Variants in SMAP2 observed in about 807,000 individuals in gnomAD.
SMAP2 encodes stromal membrane-associated protein 2.
Under a neutral mutation model 56.4 loss-of-function variants are expected in SMAP2, and 25 were observed. The observed-to-expected ratio is 0.44, with a 90% CI of 0.32 to 0.62. The LOEUF is 0.62. Ranked by LOEUF, SMAP2 falls within the 20% of genes least tolerant of loss-of-function variation. The pLI is 0.04. For missense variants in SMAP2, 388 were observed against 545.6 expected, an observed-to-expected ratio of 0.71 and a Z score of 2.88; for synonymous variants, 157 against 181.7, an observed-to-expected ratio of 0.86 and a Z score of 1.09.
At chr1:40,388,778 G>T (rs1332646235) in intron 1 of SMAP2, among the ~76,000 whole-genome samples, 1 of 152,164 alleles carries the variant, frequency 6.6e-6, no homozygotes, top group East Asian at 1.9e-4. Flanking sequence ...TGGAAACTTT[G>T]TTCTTTTGCT....
At chr1:40,413,176 T>G in intron 5 of SMAP2, 74 bp downstream of exon 5, 1 of 1,139,686 alleles carries the variant, frequency 8.8e-7, no homozygotes, top group Non-Finnish European at 1.3e-6. Context: ...AAGTAGGAGG[T>G]CTCGTGGTGA....
chr1:40,399,595 G>A (rs1301317254), intron 1 of SMAP2, among the ~76,000 whole-genome samples: 1 of 149,448 alleles, frequency 6.7e-6, no homozygotes, highest in Non-Finnish European at 1.5e-5. Flanking sequence ...CCAGCTACTT[G>A]GGAGACTGAG....
intron 6 of SMAP2, 44 bp from the exon 7 acceptor site, chr1:40,415,228 C>G (rs780164371): frequency 1.4e-6 from 2 of 1,429,384 alleles, no homozygotes; most frequent in South Asian, 2.3e-5. Context: ...AAGGCATGGG[C>G]TTAATAAGCA....
chr1:40,371,003 C>T (rs2124191646), upstream of SMAP2, among the ~76,000 whole-genome samples: 1 of 152,012 alleles, frequency 6.6e-6, no homozygotes, highest in Non-Finnish European at 1.5e-5. Context: ...TGAAACCCTG[C>T]CTCTATTAAA....
At position 40,386,750 on chromosome 1, in the gene SMAP2, AAAC is replaced by A. The variant is rs56798841; in HGVS notation, c.103+12537_103+12539del. On this transcript the variant is annotated intron_variant, in intron 1 of 9. Transcript: ENST00000372718. This position sits in a 1 kb window ranked among gnomAD's most constrained non-coding sequence, Gnocchi z 4.1. The stretch of plus-strand genomic sequence containing the variant: ...CATCAGTAAATGCTGGTTTTTTTTA[AAAC>A]AACAACAACTTTATCTTTTATGATT... 0.53 allele frequency among the ~76,000 whole-genome samples: 80,511 copies of A among 151,416 alleles called. 22,395 individuals are homozygous for A. Among genetic ancestry groups the A allele is most frequent in the African/African-American group, 0.68 (28,024 of 41,134 alleles).
chr1:40,397,947 C>T (rs1009126393), intron 1 of SMAP2, among the ~76,000 whole-genome samples: 1 of 152,112 alleles, frequency 6.6e-6, no homozygotes, highest in Non-Finnish European at 1.5e-5. Flanking sequence ...ATGACTTCCT[C>T]AGCATGTGTA....
chr1:40,420,898 A>G (rs748027159), intron 9 of SMAP2, among the ~76,000 whole-genome samples: 1 of 152,244 alleles, frequency 6.6e-6, no homozygotes, highest in Non-Finnish European at 1.5e-5. Context: ...CAGAGATCTG[A>G]AAATGAAATG....
chr1:40,387,252 G>A (rs1644666333), intron 1 of SMAP2, among the ~76,000 whole-genome samples: 1 of 152,082 alleles, frequency 6.6e-6, no homozygotes, highest in Non-Finnish European at 1.5e-5. Flanking sequence ...CTTATTTCAT[G>A]ACATTAAAAA....
chr1:40,352,139 G>A (rs1305721759), intron 1 of SMAP2, among the ~76,000 whole-genome samples: 2 of 152,110 alleles, frequency 1.3e-5, no homozygotes, highest in African/African-American at 4.8e-5. Flanking sequence ...AATTTCAGGG[G>A]GTTGATATTA....
chr1:40,375,096 A>G, intron 1 of SMAP2: 1 of 985,362 alleles, frequency 1.0e-6, no homozygotes, highest in Non-Finnish European at 1.2e-6. Flanking sequence ...GATTTGATAC[A>G]ATTAAAAGTC....
At chr1:40,391,858 A>G (rs383228) in intron 1 of SMAP2, among the ~76,000 whole-genome samples, 1 of 152,108 alleles carries the variant, frequency 6.6e-6, no homozygotes, top group African/African-American at 2.4e-5. Flanking sequence ...AGGAAGTTAA[A>G]CTGAAGTAAC....
intron 6 of SMAP2, 126 bp from the exon 7 acceptor site, chr1:40,415,146 T>A: frequency 1.4e-6 from 1 of 723,114 alleles, no homozygotes; most frequent in Admixed American, 2.3e-5. Context: ...CCATGCTAGA[T>A]GGTTCCAGAA....
intron 1 of SMAP2, among the ~76,000 whole-genome samples, chr1:40,383,199 G>C (rs1415562956): frequency 6.6e-6 from 1 of 152,222 alleles, no homozygotes; most frequent in Non-Finnish European, 1.5e-5. Flanking sequence ...TAGTGCACTG[G>C]TGTCACCAAG....
chr1:40,358,349 C>A (rs1375316523), intron 1 of SMAP2, among the ~76,000 whole-genome samples: 1 of 152,080 alleles, frequency 6.6e-6, no homozygotes, highest in East Asian at 1.9e-4. Context: ...TCGAGACCAG[C>A]CTGGCCAACG....
chr1:40,367,978 A>G (rs1644484437), intron 2 of SMAP2, among the ~76,000 whole-genome samples: 1 of 140,526 alleles, frequency 7.1e-6, no homozygotes, highest in African/African-American at 2.7e-5. Flanking sequence ...AGAAAAAAAG[A>G]GAGAAGAATC....
chr1:40,405,335 A>T (rs189894989), intron 1 of SMAP2, among the ~76,000 whole-genome samples: 2 of 152,168 alleles, frequency 1.3e-5, no homozygotes, highest in Non-Finnish European at 2.9e-5. Flanking sequence ...CAGTAAATAA[A>T]AATATTAGCC....
intron 1 of SMAP2, among the ~76,000 whole-genome samples, chr1:40,392,928 C>G (rs1644731248): frequency 6.6e-6 from 1 of 151,910 alleles, no homozygotes. Context: ...TGAAACCCCG[C>G]TGTCTCTACT....
intron 1 of SMAP2, among the ~76,000 whole-genome samples, chr1:40,397,140 ATTGT>A (rs1418237878): frequency 2.0e-5 from 3 of 152,122 alleles, no homozygotes; most frequent in Non-Finnish European, 4.4e-5. Context: ...ATCTTCATAG[ATTGT>A]TTGTTTCATT....
chr1:40,388,020 G>A (rs1052905111), intron 1 of SMAP2, among the ~76,000 whole-genome samples: 1 of 152,182 alleles, frequency 6.6e-6, no homozygotes. Context: ...AGGGTGTGCT[G>A]GGTCCCCCAG....
Sources: gnomAD v4.1 joint callset for allele counts (sites outside exome capture counted in the v4.1 genomes callset) on GRCh38, gnomAD v4.1.1 for gene constraint, Gnocchi (gnomAD v3.1) non-coding constraint, MANE v1.5 for transcripts, NCBI Gene and HGNC (gene_info 2026-07-23, HGNC 2026-07-21) for gene names.